Variants in DCAF8L2 observed in about 807,000 individuals in gnomAD.
DCAF8L2 encodes the protein DDB1- and CUL4-associated factor 8-like protein 2.
For missense variants in DCAF8L2, 430 were observed against 490.7 expected, an observed-to-expected ratio of 0.88 and a Z score of 1.17; for synonymous variants, 200 against 190.9, an observed-to-expected ratio of 1.05 and a Z score of -0.39.
intron 4 of DCAF8L2, 21 bp from the exon 5 acceptor site, chrX:27,746,817 G>T (rs1040639326): frequency 9.9e-7 from 1 of 1,005,891 alleles, no homozygotes; most frequent in Admixed American, 3.5e-5. Flanking sequence ...AGTCCTAACC[G>T]CAGGCCAACT....
At chrX:27,478,108 C>A in the DCAF8L2 span, among the ~76,000 whole-genome samples, 1 of 111,640 alleles carries the variant, frequency 9.0e-6, no homozygotes, top group Non-Finnish European at 1.9e-5. Flanking sequence ...AAAGCAGTTT[C>A]TCTCCCAGCT....
At chrX:27,715,389 A>C (rs5926877) in intron 3 of DCAF8L2, among the ~76,000 whole-genome samples, 26,212 of 102,663 alleles carry the variant, frequency 0.26, 3,613 homozygotes, top group Non-Finnish European at 0.37. Context: ...AAAAAAAGGA[A>C]CTGAGACTAG....
At chrX:27,624,271 C>T (rs1009163040) in intron 1 of DCAF8L2, among the ~76,000 whole-genome samples, 1 of 110,940 alleles carries the variant, frequency 9.0e-6, no homozygotes, top group African/African-American at 3.3e-5. Context: ...AAGGTAGTAC[C>T]AAATTGTTAG....
upstream of DCAF8L2, among the ~76,000 whole-genome samples, chrX:27,587,985 A>AAAAATATATATATATATATAT: frequency 1.3e-4 from 3 of 22,362 alleles, no homozygotes; most frequent in Admixed American, 6.3e-4. Flanking sequence ...TAAAAAAAAA[A>AAAAATATATATATATATATAT]ATATATATAT....
the DCAF8L2 span, among the ~76,000 whole-genome samples, chrX:27,577,997 G>A: frequency 2.0e-4 from 22 of 111,210 alleles, no homozygotes; most frequent in Non-Finnish European, 2.8e-4. Context: ...TAGATTCAGT[G>A]CTACTCCCAT....
chrX:27,564,348 CA>C, the DCAF8L2 span, among the ~76,000 whole-genome samples: 1 of 111,528 alleles, frequency 9.0e-6, no homozygotes, highest in Non-Finnish European at 1.9e-5. Flanking sequence ...ATGGGAACTA[CA>C]ATTCAAGGTG....
chrX:27,628,575 T>C (rs1368796271), intron 1 of DCAF8L2, among the ~76,000 whole-genome samples: 1 of 108,948 alleles, frequency 9.2e-6, no homozygotes, highest in Non-Finnish European at 1.9e-5. Flanking sequence ...TGTTTTCTCC[T>C]CACCCTTGCC....
chrX:27,524,878 C>A, the DCAF8L2 span, among the ~76,000 whole-genome samples: 2 of 112,177 alleles, frequency 1.8e-5, no homozygotes, highest in Non-Finnish European at 3.8e-5. Flanking sequence ...AGTTTGATTG[C>A]ATTGTGATCT....
chrX:27,563,574 C>A, the DCAF8L2 span, among the ~76,000 whole-genome samples: 1 of 112,088 alleles, frequency 8.9e-6, no homozygotes, highest in African/African-American at 3.2e-5. Flanking sequence ...CTTGGGCATT[C>A]CCTCTTTGGT....
the DCAF8L2 span, among the ~76,000 whole-genome samples, chrX:27,553,923 T>A: frequency 9.5e-6 from 1 of 105,550 alleles, no homozygotes; most frequent in African/African-American, 3.4e-5. Flanking sequence ...AATGAAATAT[T>A]GGTTGAACAG....
At chrX:27,646,954 A>T (rs980943409) in intron 2 of DCAF8L2, among the ~76,000 whole-genome samples, 1 of 111,670 alleles carries the variant, frequency 9.0e-6, no homozygotes, top group Non-Finnish European at 1.9e-5. Context: ...CTTTTATGCT[A>T]TTGGTGGGAA....
At chrX:27,641,473 CT>C (rs779757306) in intron 2 of DCAF8L2, among the ~76,000 whole-genome samples, 11,066 of 45,042 alleles carry the variant, frequency 0.25, 1,377 homozygotes, top group African/African-American at 0.51. Context: ...CTTTACTTTT[CT>C]TTTTTTTTTT....
intron 1 of DCAF8L2, among the ~76,000 whole-genome samples, chrX:27,605,304 T>C (rs2147126360): frequency 8.9e-6 from 1 of 112,039 alleles, no homozygotes; most frequent in Non-Finnish European, 1.9e-5. Context: ...GTATAACTGA[T>C]AGAGAAGAAT....
intron 4 of DCAF8L2, among the ~76,000 whole-genome samples, chrX:27,726,410 A>G (rs1932071721): frequency 8.9e-6 from 1 of 111,771 alleles, no homozygotes; most frequent in South Asian, 3.7e-4. Context: ...TTAGGAACAC[A>G]TTAAGGTAGG....
chrX:27,638,127 C>T (rs1352336467), intron 2 of DCAF8L2, among the ~76,000 whole-genome samples: 1 of 112,045 alleles, frequency 8.9e-6, no homozygotes, highest in Non-Finnish European at 1.9e-5. Context: ...ATTAGCAAGG[C>T]TGATGAGAAA....
At chrX:27,704,177 T>TACACACACACAC (rs1280383709) in intron 3 of DCAF8L2, among the ~76,000 whole-genome samples, 636 of 42,837 alleles carry the variant, frequency 0.015, 22 homozygotes, top group African/African-American at 0.08. Context: ...TATATATACA[T>TACACACACACAC]ATACACACAC....
Position 27,732,409 on chromosome X carries a change from A to G in DCAF8L2, c.-58-14429A>G, listed in dbSNP as rs150845294. On this transcript the variant is annotated intron_variant, in intron 4 of 4. Transcript: ENST00000451261. ...CTGTCCTTGGCTTATTTCACTTAGCATAATGTCCTGCAGGTTCATCCATGT... is the reference window on the plus strand; with the variant it reads ...CTGTCCTTGGCTTATTTCACTTAGCGTAATGTCCTGCAGGTTCATCCATGT... Among the ~76,000 whole-genome samples, 1,059 of 110,456 alleles carry G rather than the reference A, an allele frequency of 9.6e-3. 14 individuals are homozygous for G. The highest frequency in any genetic ancestry group is 0.032 in the African/African-American group (984 of 30,286).
At chrX:27,686,741 A>G (rs1424507417) in intron 3 of DCAF8L2, among the ~76,000 whole-genome samples, 1 of 112,296 alleles carries the variant, frequency 8.9e-6, no homozygotes, top group African/African-American at 3.2e-5. Flanking sequence ...TGTTCCCAAC[A>G]GATAGAAATG....
At chrX:27,498,833 T>C in the DCAF8L2 span, among the ~76,000 whole-genome samples, 162 of 112,358 alleles carry the variant, frequency 1.4e-3, no homozygotes, top group Non-Finnish European at 2.7e-3. Flanking sequence ...ACTTATTCCA[T>C]TTAGTATAAT....
Sources: allele counts gnomAD v4.1 joint callset (sites outside exome capture counted in the v4.1 genomes callset), GRCh38; gene constraint gnomAD v4.1.1; transcripts MANE v1.5; gene names NCBI Gene and HGNC (gene_info 2026-07-23, HGNC 2026-07-21).